DST: variants seen among roughly 807,000 people sequenced by gnomAD.
DST encodes bullous pemphigoid antigen.
A neutral mutation model predicts 875.2 loss-of-function variants in DST; 253 were observed. The ratio of observed to expected loss-of-function variants is 0.29; its 90% CI spans 0.26 to 0.32. The LOEUF (loss-of-function observed/expected upper bound fraction) is 0.32, where lower values mean the gene tolerates loss of function less well. DST is among the 10% of genes least tolerant of loss of function. The pLI is 1.00. For missense variants in DST, 8,287 were observed against 9,111.6 expected, an observed-to-expected ratio of 0.91 and a Z score of 3.68; for synonymous variants, 3,124 against 3,197.1, an observed-to-expected ratio of 0.98 and a Z score of 0.77.
intron 61 of DST, among the ~76,000 whole-genome samples, chr6:56,550,602 AATAGCAGC>A (rs2097305619): frequency 6.6e-6 from 1 of 152,214 alleles, no homozygotes; most frequent in Non-Finnish European, 1.5e-5. Flanking sequence ...GACACCCGCA[AATAGCAGC>A]ACCAGTATTA....
At chr6:56,487,049 T>C in intron 87 of DST, 55 bp downstream of exon 87, 2 of 1,560,516 alleles carry the variant, frequency 1.3e-6, no homozygotes, top group African/African-American at 1.4e-5. Flanking sequence ...GCACCATTAC[T>C]GTGTATTTGA....
intron 4 of DST, among the ~76,000 whole-genome samples, chr6:56,781,555 T>C (rs1047212227): frequency 1.3e-5 from 2 of 152,180 alleles, no homozygotes; most frequent in Admixed American, 6.5e-5. Context: ...ATGCTTGTGA[T>C]TTTTGTACAT....
intron 4 of DST, among the ~76,000 whole-genome samples, chr6:56,787,145 A>G (rs1449099766): frequency 6.6e-6 from 1 of 152,222 alleles, no homozygotes. Flanking sequence ...TGGTCAAACT[A>G]TCAGAGGATG....
In DST at chr6:56,578,807, A is replaced by G. The variant is rs770240137; in HGVS notation, c.13027+7T>C. The G allele has an allele frequency of 3.7e-6, 6 of 1,611,912 alleles. No individual in the cohort carries two copies. The Admixed American group carries it at 6.7e-5, about 18-fold the overall frequency. Reference sequence around the variant, plus strand: ...TGAGACAGGAAGCAAGGACATGAATATCTTACCAAGTGTTTTCTGGATATC... The same window carrying G: ...TGAGACAGGAAGCAAGGACATGAATGTCTTACCAAGTGTTTTCTGGATATC... On this transcript the variant is annotated splice_region_variant and intron_variant, in intron 50 of 103. Coordinates refer to ENST00000680361, the MANE Select transcript of DST (RefSeq NM_001374736.1).
At chr6:56,673,842 C>T (rs1300410092) in intron 9 of DST, among the ~76,000 whole-genome samples, 1 of 152,146 alleles carries the variant, frequency 6.6e-6, no homozygotes, top group Non-Finnish European at 1.5e-5. Context: ...ACAAGCAGGG[C>T]AGGTGAATTC....
intron 99 of DST, 34 bp from the exon 100 acceptor site, chr6:56,464,790 AAAG>A (rs1353821102): frequency 6.8e-7 from 1 of 1,468,122 alleles, no homozygotes; most frequent in Non-Finnish European, 9.4e-7. Flanking sequence ...CAATCACATT[AAAG>A]AATACTGTTA....
intron 61 of DST, 97 bp from the exon 62 acceptor site, chr6:56,537,037 T>C: frequency 3.7e-6 from 4 of 1,087,030 alleles, no homozygotes; most frequent in South Asian, 1.6e-5. Flanking sequence ...GTGGAAACCA[T>C]CAATTATTAC....
rs567291512 is a variant in DST, at chr6:56,535,474, T to A, written c.16771-182A>T. On this transcript the variant is annotated intron_variant, in intron 62 of 103. Coordinates refer to ENST00000680361, the MANE Select transcript of DST (RefSeq NM_001374736.1). Reference sequence around the variant, plus strand: ...ATAGCAGTGAAAAGGAGACAAACTTTAAGCAAGTAGGCATGAAAATAAGGT... The same window carrying A: ...ATAGCAGTGAAAAGGAGACAAACTTAAAGCAAGTAGGCATGAAAATAAGGT... 2.6e-5 allele frequency among the ~76,000 whole-genome samples: 4 copies of A among 152,300 alleles called. No individual in the cohort carries two copies. In the South Asian group the frequency reaches 8.3e-4, roughly 32 times the overall value.
intron 10 of DST, among the ~76,000 whole-genome samples, chr6:56,657,518 C>T (rs1232823849): frequency 1.3e-5 from 2 of 151,872 alleles, no homozygotes; most frequent in African/African-American, 4.8e-5. Flanking sequence ...CAGTTTCCTT[C>T]CTCAATTTAA....
At chr6:56,471,046 A>C (rs2094865971) in intron 95 of DST, 60 bp downstream of exon 95, 1 of 1,514,084 alleles carries the variant, frequency 6.6e-7, no homozygotes, top group African/African-American at 1.4e-5. Context: ...CCACACTTTT[A>C]AAATGTGCTT....
At chr6:56,804,245 C>A (rs981121535) in intron 4 of DST, among the ~76,000 whole-genome samples, 3 of 152,020 alleles carry the variant, frequency 2.0e-5, no homozygotes, top group Admixed American at 6.6e-5. Flanking sequence ...TGTGACTCTG[C>A]AATGAGAAGG....
intron 4 of DST, among the ~76,000 whole-genome samples, chr6:56,811,671 C>T (rs1160426674): frequency 6.6e-6 from 1 of 152,168 alleles, no homozygotes. Flanking sequence ...ACAAGGTGAC[C>T]TGCCAAAGGT....
At position 56,632,900 on chromosome 6, in the gene DST, A is replaced by G. The variant is rs2098793544; in HGVS notation, c.3759T>C (p.Asn1253=). The G allele has an allele frequency of 6.2e-7, 1 of 1,614,002 alleles. No homozygotes were observed. The highest frequency in any genetic ancestry group is 8.5e-7 in the Non-Finnish European group (1 of 1,179,966). The change falls in exon 28 of 104, where the codon AAT becomes AAC. Residue 1253 remains asparagine, a synonymous_variant. Transcript: ENST00000680361. ...SDITQLEKEV[N]VCKQYYQELL... ...GTTCTTGATAATACTGCTTACATAC[A>G]TTAACCTCCTTTTCCAGTTGTGTTA...
intron 10 of DST, among the ~76,000 whole-genome samples, chr6:56,656,335 T>C (rs2099008477): frequency 6.6e-6 from 1 of 152,250 alleles, no homozygotes; most frequent in Admixed American, 6.5e-5. Flanking sequence ...AAAGCACATG[T>C]TGCTGCTTCT....
At chr6:56,779,229 T>C (rs1384845167) in intron 4 of DST, among the ~76,000 whole-genome samples, 1 of 151,906 alleles carries the variant, frequency 6.6e-6, no homozygotes, top group Non-Finnish European at 1.5e-5. Context: ...TTTGATGGGG[T>C]TGTTTGTTTT....
At chr6:56,740,497 G>A (rs2152936528) in intron 4 of DST, among the ~76,000 whole-genome samples, 1 of 152,358 alleles carries the variant, frequency 6.6e-6, no homozygotes, top group East Asian at 1.9e-4. Context: ...TAGCAAAACA[G>A]AAGCCAGCCA....
chr6:56,554,766 T>C (rs1211858823), intron 60 of DST, among the ~76,000 whole-genome samples: 1 of 152,160 alleles, frequency 6.6e-6, no homozygotes, highest in Non-Finnish European at 1.5e-5. Flanking sequence ...AACTAGAAAC[T>C]TTTCAAACAG....
intron 86 of DST, among the ~76,000 whole-genome samples, chr6:56,489,102 CT>C (rs936286488): frequency 2.9e-4 from 44 of 152,228 alleles, no homozygotes; most frequent in African/African-American, 1.0e-3. Context: ...ATATCTATTA[CT>C]TTTTACTACA....
In DST at chr6:56,831,298, C is replaced by T. The variant is rs142285949; in HGVS notation, c.625+20099G>A. On this transcript the variant is annotated intron_variant, in intron 4 of 103. Transcript: ENST00000680361. Reference sequence around the variant, plus strand: ...GAGGATAAAATCTTCAACTCAACACCGGTTATGTATAAGCAAAATCTATCT... The same window carrying T: ...GAGGATAAAATCTTCAACTCAACACTGGTTATGTATAAGCAAAATCTATCT... Among the ~76,000 whole-genome samples, 1,058 of 152,204 alleles carry T rather than the reference C, an allele frequency of 7.0e-3. 13 individuals are homozygous for T. The highest frequency in any genetic ancestry group is 0.024 in the African/African-American group (988 of 41,538).
Sources: allele counts gnomAD v4.1 joint callset (sites outside exome capture counted in the v4.1 genomes callset), GRCh38; gene constraint gnomAD v4.1.1; transcripts MANE v1.5; gene names NCBI Gene and HGNC (gene_info 2026-07-23, HGNC 2026-07-21).